MARK3: variants seen among roughly 807,000 people sequenced by gnomAD.
MARK3 encodes microtubule affinity regulating kinase 3, also known as MAP/microtubule affinity-regulating kinase 3.
A neutral mutation model predicts 90.1 loss-of-function variants in MARK3; 46 were observed. The ratio of observed to expected loss-of-function variants is 0.51; its 90% CI spans 0.40 to 0.65. MARK3 has a LOEUF of 0.65. Ranked by LOEUF, MARK3 falls within the 30% of genes least tolerant of loss-of-function variation. The pLI, the probability that MARK3 is intolerant of heterozygous loss-of-function variation, is 0.00. For missense variants in MARK3, 818 were observed against 947.2 expected, an observed-to-expected ratio of 0.86 and a Z score of 1.79; for synonymous variants, 321 against 332.6, an observed-to-expected ratio of 0.97 and a Z score of 0.38.
At chr14:103,414,411 G>T (rs1424127174) in intron 2 of MARK3, among the ~76,000 whole-genome samples, 1 of 152,062 alleles carries the variant, frequency 6.6e-6, no homozygotes, top group Non-Finnish European at 1.5e-5. Flanking sequence ...CTCCATGTTG[G>T]TCAGGCTGGT....
intron 1 of MARK3, among the ~76,000 whole-genome samples, chr14:103,399,155 G>A (rs1039566103): frequency 2.6e-5 from 4 of 152,126 alleles, no homozygotes; most frequent in African/African-American, 7.2e-5. Flanking sequence ...ACTTCCTGCC[G>A]GCAAGGATTT....
intron 1 of MARK3, among the ~76,000 whole-genome samples, chr14:103,387,299 G>C (rs2089883185): frequency 6.6e-6 from 1 of 152,094 alleles, no homozygotes; most frequent in Non-Finnish European, 1.5e-5. Flanking sequence ...CATCCCTGTA[G>C]CATATTAGTA....
intron 4 of MARK3, among the ~76,000 whole-genome samples, chr14:103,449,547 T>A (rs1010447175): frequency 2.6e-5 from 4 of 152,188 alleles, no homozygotes; most frequent in African/African-American, 9.7e-5. Context: ...TGCTATCTAA[T>A]GGAATTGTGA....
At chr14:103,410,488 T>C (rs1415245782) in intron 2 of MARK3, among the ~76,000 whole-genome samples, 2 of 152,234 alleles carry the variant, frequency 1.3e-5, no homozygotes, top group Admixed American at 1.3e-4. Context: ...CCCTTTTCAC[T>C]ACTTAGATTT....
In MARK3 at chr14:103,403,326, TTGTGTGTGTGTGTGTGTGTGTG is replaced by T. The variant is rs59913493; in HGVS notation, c.52-1724_52-1703del. Among the ~76,000 whole-genome samples the T allele has an allele frequency of 7.0e-3, 969 of 138,542 alleles. 19 individuals carry two copies. The highest frequency in any genetic ancestry group is 0.024 in the African/African-American group (897 of 37,568). The allele number at this position is 138,542 out of a possible 152,430, so 90.9% of individuals were successfully genotyped here. ...TTACCACACCTTAAATAGTGCCTGG[TTGTGTGTGTGTGTGTGTGTGTG>T]TGTGTGTGTGTGTGTGTGTGTGTGT... On this transcript the variant is annotated intron_variant, in intron 1 of 17. Transcript: ENST00000429436.
chr14:103,403,600 A>T (rs890064102), intron 1 of MARK3, among the ~76,000 whole-genome samples: 1 of 152,164 alleles, frequency 6.6e-6, no homozygotes, highest in Non-Finnish European at 1.5e-5. Context: ...AGTGTAATTA[A>T]AATCATGTAG....
chr14:103,432,114 T>C (rs2092601029), intron 3 of MARK3, among the ~76,000 whole-genome samples: 1 of 152,180 alleles, frequency 6.6e-6, no homozygotes, highest in Non-Finnish European at 1.5e-5. Flanking sequence ...TATGGATGTC[T>C]CCATCCAATT....
intron 7 of MARK3, 142 bp from the exon 8 acceptor site, chr14:103,465,415 T>C: frequency 1.6e-6 from 1 of 620,222 alleles, no homozygotes; most frequent in Non-Finnish European, 2.8e-6. Context: ...CTCCTGTTTT[T>C]TTCTCTAGAA....
rs369087770 is a variant in MARK3, at chr14:103,484,200, T to G, written c.1586+3710T>G. On this transcript the variant is annotated intron_variant, in intron 14 of 17. Coordinates refer to ENST00000429436, the MANE Select transcript of MARK3 (RefSeq NM_001128918.3). ...TCTTTTTTTCTTTTTTTTTCTGCGA[T>G]GGAGTCTCGCTCTTTTACCCAGGCT... Among the ~76,000 whole-genome samples, 24 of 151,502 alleles carry G rather than the reference T, an allele frequency of 1.6e-4. No individual in the cohort carries two copies. The East Asian group carries it at 4.3e-3, about 27-fold the overall frequency.
intron 5 of MARK3, among the ~76,000 whole-genome samples, chr14:103,453,777 C>T (rs1378631248): frequency 1.3e-5 from 2 of 152,188 alleles, no homozygotes; most frequent in African/African-American, 4.8e-5. Context: ...AAGGTGCTTT[C>T]TCTTACCAGA....
intron 4 of MARK3, among the ~76,000 whole-genome samples, chr14:103,451,089 C>T (rs989658537): frequency 8.6e-5 from 13 of 151,684 alleles, no homozygotes; most frequent in African/African-American, 3.1e-4. Flanking sequence ...TGCCGCCATA[C>T]CCAGCTAATT....
rs768608074 is a variant in MARK3 at position 103,475,146 on chromosome 14, G to A, written c.1418G>A (p.Gly473Glu). The A allele has an allele frequency of 6.2e-7, 1 of 1,614,092 alleles. No homozygotes were observed. Among genetic ancestry groups the A allele is most frequent in the South Asian group, 1.1e-5 (1 of 91,076 alleles). ...KGIAPASPML[G>E]NASNPNKADI... is the part of the protein sequence containing the mutation. Reference sequence around the variant, plus strand: ...ATTGCTCCAGCCAGTCCCATGCTTGGGAATGCAAGTAATCCTAATAAGGCG... The same window carrying A: ...ATTGCTCCAGCCAGTCCCATGCTTGAGAATGCAAGTAATCCTAATAAGGCG... Residue 473 changes from glycine (G) to glutamate (E), a missense_variant, in exon 13 of 18, where the codon GGG (glycine) becomes GAG (glutamate). Physicochemically the swap from Gly to Glu is moderately conservative, Grantham distance 98 (BLOSUM62 -2). Around this residue, in one of 3 missense-constraint regions of MARK3, gnomAD observed 560 missense variants for 613.5 expected, o/e 0.91. Coordinates refer to ENST00000429436, the MANE Select transcript of MARK3 (RefSeq NM_001128918.3).
At chr14:103,502,129 C>T (rs576513475) in intron 17 of MARK3, among the ~76,000 whole-genome samples, 13 of 152,318 alleles carry the variant, frequency 8.5e-5, no homozygotes, top group East Asian at 7.7e-4. Flanking sequence ...CTAGAGACCC[C>T]GGCCTGGGCT....
chr14:103,409,282 C>T (rs1011103116), intron 2 of MARK3, among the ~76,000 whole-genome samples: 8 of 151,666 alleles, frequency 5.3e-5, no homozygotes, highest in Non-Finnish European at 8.8e-5. Context: ...GAACATCACA[C>T]ACCAGGGCCT....
chr14:103,493,601 G>A (rs899659739), intron 15 of MARK3, among the ~76,000 whole-genome samples: 2 of 152,100 alleles, frequency 1.3e-5, no homozygotes, highest in African/African-American at 4.8e-5. Context: ...CTGGCCAGCC[G>A]TGGTGGTTCA....
At chr14:103,413,507 T>G (rs2091783493) in intron 2 of MARK3, among the ~76,000 whole-genome samples, 1 of 149,988 alleles carries the variant, frequency 6.7e-6, no homozygotes, top group South Asian at 2.1e-4. Flanking sequence ...CACTGCAAGC[T>G]CCACCTTTTG....
chr14:103,413,013 T>C (rs1267411700), intron 2 of MARK3, among the ~76,000 whole-genome samples: 2 of 151,804 alleles, frequency 1.3e-5, no homozygotes, highest in Non-Finnish European at 2.9e-5. Flanking sequence ...TAGCTGGGAT[T>C]ACAGGCATGC....
At position 103,480,463 on chromosome 14, in the gene MARK3, C is replaced by T. The variant is rs368541567; in HGVS notation, c.1559C>T (p.Ser520Leu). ...GAGAGAACTACAGCTGATAGACACT[C>T]AGTGATTCAGAATGGCAAAGAAAAC... ...CSERTTADRH[S>L]VIQNGKENST... The change falls in exon 14 of 18, where the codon TCA becomes TTA. Residue 520 changes from serine to leucine, a missense_variant. Physicochemically the swap from Ser to Leu is moderately radical, Grantham distance 145 (BLOSUM62 -2). Around this residue, in one of 3 missense-constraint regions of MARK3, gnomAD observed 560 missense variants for 613.5 expected, o/e 0.91. Transcript: ENST00000429436. The T allele has an allele frequency of 7.4e-6, 12 of 1,611,940 alleles. No homozygotes were observed. The Admixed American group carries it at 1.5e-4, about 20-fold the overall frequency.
chr14:103,459,075 TA>T (rs1384566422), intron 6 of MARK3, among the ~76,000 whole-genome samples: 2 of 152,246 alleles, frequency 1.3e-5, no homozygotes, highest in Non-Finnish European at 2.9e-5. Context: ...GCTCTTTCCA[TA>T]ACTGTACTCT....
Sources: allele counts gnomAD v4.1 joint callset (sites outside exome capture counted in the v4.1 genomes callset), GRCh38; gene constraint gnomAD v4.1.1; regional missense constraint gnomAD v4.1.1; transcripts MANE v1.5; gene names NCBI Gene and HGNC (gene_info 2026-07-23, HGNC 2026-07-21).